Variants in EFNA5 observed in about 807,000 individuals in gnomAD.
EFNA5 encodes ephrin-A5.
In EFNA5, 5 loss-of-function variants were observed where a neutral mutation model predicts 22.9. The ratio of observed to expected loss-of-function variants is 0.22; its 90% CI spans 0.11 to 0.46. EFNA5 has a LOEUF of 0.46. Ranked by LOEUF, EFNA5 falls within the 20% of genes least tolerant of loss-of-function variation. EFNA5 has a pLI of 0.99. For synonymous variants in EFNA5, 113 were observed against 112.2 expected (o/e 1.01, Z -0.04); for missense variants, 237 against 293.3 (o/e 0.81, Z 1.40).
chr5:107,522,769 G>T (rs1747623320), intron 1 of EFNA5, among the ~76,000 whole-genome samples: 1 of 151,974 alleles, frequency 6.6e-6, no homozygotes, highest in East Asian at 1.9e-4. Flanking sequence ...AGCCACTTGG[G>T]TAACTTTCTT....
chr5:107,410,078 G>A (rs1748323729), intron 2 of EFNA5, among the ~76,000 whole-genome samples: 1 of 143,632 alleles, frequency 7.0e-6, no homozygotes, highest in Non-Finnish European at 1.5e-5. Context: ...GCCCAGGCTG[G>A]AGTGCAGCGG....
intron 1 of EFNA5, among the ~76,000 whole-genome samples, chr5:107,638,641 C>T (rs1403235746): frequency 6.6e-6 from 1 of 152,106 alleles, no homozygotes; most frequent in African/African-American, 2.4e-5. Context: ...CTAGATTATA[C>T]AGAAGGATGT....
At position 107,492,908 on chromosome 5, in the gene EFNA5, A is replaced by C. The variant is rs527725509; in HGVS notation, c.126-65399T>G. Among the ~76,000 whole-genome samples, 169 of 151,952 alleles carry C rather than the reference A, an allele frequency of 1.1e-3. 1 individual carries two copies. Among genetic ancestry groups the C allele is most frequent in the African/African-American group, 3.9e-3 (161 of 41,428 alleles). ...CAACTATTCAGGAGGCTGAGGTAGG[A>C]GGATCGCTTGAACCGGGAGGCGGAG... On this transcript the variant is annotated intron_variant, in intron 1 of 4. Transcript: ENST00000333274.
At chr5:107,559,332 A>T (rs1365897351) in intron 1 of EFNA5, among the ~76,000 whole-genome samples, 4 of 151,880 alleles carry the variant, frequency 2.6e-5, no homozygotes, top group African/African-American at 9.7e-5. Flanking sequence ...CCATCATTTG[A>T]CTCTTTCATA....
chr5:107,599,491 G>T (rs766456314), intron 1 of EFNA5, among the ~76,000 whole-genome samples: 2 of 152,152 alleles, frequency 1.3e-5, no homozygotes, highest in Non-Finnish European at 2.9e-5. Flanking sequence ...GGGGAATAGG[G>T]TAATGGAGAC....
Position 107,391,652 on chromosome 5 carries a change from C to G in EFNA5, c.419-3881G>C, listed in dbSNP as rs372819913. ...AATTCACACCCATTTACTCAGTTTA[C>G]TGCTTAAAGTGTAAGTTGGAGTCAG... On this transcript the variant is annotated intron_variant, in intron 2 of 4. Coordinates refer to ENST00000333274, the MANE Select transcript of EFNA5 (RefSeq NM_001962.3). Among the ~76,000 whole-genome samples the G allele has an allele frequency of 2.4e-3, 370 of 152,316 alleles. 19 individuals are homozygous for G. In the South Asian group the frequency reaches 0.075, roughly 31 times the overall value.
chr5:107,569,382 T>TATA (rs566907365), intron 1 of EFNA5, among the ~76,000 whole-genome samples: 2 of 143,164 alleles, frequency 1.4e-5, no homozygotes, highest in African/African-American at 5.3e-5. Flanking sequence ...TATATATATA[T>TATA]TTTTATGTAT....
At chr5:107,468,072 G>A (rs1389340997) in intron 1 of EFNA5, among the ~76,000 whole-genome samples, 4 of 152,236 alleles carry the variant, frequency 2.6e-5, no homozygotes, top group Admixed American at 6.5e-5. Context: ...TTGGTAGAAC[G>A]GATAGCATAC....
At chr5:107,426,211 CAA>C (rs1009229335) in intron 2 of EFNA5, among the ~76,000 whole-genome samples, 9 of 152,330 alleles carry the variant, frequency 5.9e-5, no homozygotes, top group African/African-American at 2.2e-4. Flanking sequence ...TATTTTTTAA[CAA>C]GTAAACTTTT....
chr5:107,527,572 A>G (rs1052668889), intron 1 of EFNA5, among the ~76,000 whole-genome samples: 1 of 151,700 alleles, frequency 6.6e-6, no homozygotes, highest in Admixed American at 6.6e-5. Flanking sequence ...GGCATGAGCC[A>G]CTGCACCCAG....
At chr5:107,528,271 AGACCTTTG>A (rs1747738706) in intron 1 of EFNA5, among the ~76,000 whole-genome samples, 1 of 152,238 alleles carries the variant, frequency 6.6e-6, no homozygotes, top group African/African-American at 2.4e-5. Context: ...GCCAGAAAGA[AGACCTTTG>A]GTCCTTACCT....
intron 1 of EFNA5, among the ~76,000 whole-genome samples, chr5:107,495,754 C>T (rs1174451127): frequency 1.3e-5 from 2 of 152,104 alleles, no homozygotes; most frequent in African/African-American, 4.8e-5. Context: ...AAATACATTT[C>T]CAAGCATCCC....
At chr5:107,630,767 TACC>T (rs1434665867) in intron 1 of EFNA5, among the ~76,000 whole-genome samples, 5 of 152,344 alleles carry the variant, frequency 3.3e-5, no homozygotes, top group Non-Finnish European at 5.9e-5. Context: ...TCTTTTGTAA[TACC>T]ACTTAGCTTG....
chr5:107,651,594 T>C (rs1191737932), intron 1 of EFNA5, among the ~76,000 whole-genome samples: 6 of 151,762 alleles, frequency 4.0e-5, no homozygotes, highest in Non-Finnish European at 1.5e-5. Flanking sequence ...GATGTTTGCT[T>C]GGTGGTTTGG....
intron 1 of EFNA5, among the ~76,000 whole-genome samples, chr5:107,455,462 G>A (rs1196260569): frequency 6.6e-6 from 1 of 152,116 alleles, no homozygotes; most frequent in African/African-American, 2.4e-5. Flanking sequence ...ACCTCCTTAA[G>A]CTGGCACATT....
chr5:107,485,871 G>C (rs1012188012), intron 1 of EFNA5, among the ~76,000 whole-genome samples: 4 of 152,070 alleles, frequency 2.6e-5, no homozygotes, highest in African/African-American at 9.7e-5. Context: ...TTTTAAGCTA[G>C]ATCTTTGTGT....
intron 1 of EFNA5, among the ~76,000 whole-genome samples, chr5:107,666,872 G>A (rs945103978): frequency 1.4e-4 from 22 of 152,102 alleles, no homozygotes; most frequent in African/African-American, 5.1e-4. Flanking sequence ...CAGATGAAGA[G>A]GCATGTTCTT....
At chr5:107,421,855 G>A (rs1458514150) in intron 2 of EFNA5, among the ~76,000 whole-genome samples, 4 of 150,932 alleles carry the variant, frequency 2.7e-5, no homozygotes, top group South Asian at 2.1e-4. Flanking sequence ...GCAATGGAGC[G>A]ATCCCAGCTC....
At chr5:107,658,219 C>T (rs556622706) in intron 1 of EFNA5, among the ~76,000 whole-genome samples, 3 of 152,288 alleles carry the variant, frequency 2.0e-5, no homozygotes, top group East Asian at 1.9e-4. Flanking sequence ...TTTAACCATA[C>T]GGATTTAAGT....
Sources: allele counts gnomAD v4.1 joint callset (sites outside exome capture counted in the v4.1 genomes callset), GRCh38; gene constraint gnomAD v4.1.1; transcripts MANE v1.5; gene names NCBI Gene and HGNC (gene_info 2026-07-23, HGNC 2026-07-21).